The following SLC25A48 variants were observed in gnomAD, a reference collection of about 807,000 sequenced individuals.
SLC25A48 encodes solute carrier family 25 member 48.
Under a neutral mutation model 32.2 loss-of-function variants are expected in SLC25A48, and 29 were observed. The ratio of observed to expected loss-of-function variants is 0.90; its 90% CI spans 0.67 to 1.23. The LOEUF is 1.23. Among genes scored for constraint, SLC25A48 ranks in the 50% most tolerant of loss-of-function variants. SLC25A48 has a pLI of 0.00. For missense variants in SLC25A48, 399 were observed against 422.7 expected (o/e 0.94, Z 0.49); for synonymous variants, 164 against 172.3 (o/e 0.95, Z 0.38).
Position 135,741,049 on chromosome 5 carries a change from C to G in SLC25A48, c.-520-71474C>G, listed in dbSNP as rs1386901610. Among the ~76,000 whole-genome samples, 4 of 152,210 alleles carry G rather than the reference C, an allele frequency of 2.6e-5. 1 individual carries two copies. Among genetic ancestry groups the G allele is most frequent in the Non-Finnish European group, 5.9e-5 (4 of 68,040 alleles). ...ATCACAGATATTTACTGAACATTTA[C>G]TATTTGTCAGGCCCTATGCTAAGTG... is the stretch of plus-strand genomic sequence containing the variant. On this transcript the variant is annotated intron_variant, in intron 3 of 10. Coordinates refer to the SLC25A48 transcript ENST00000646290.
At chr5:135,775,889 T>C (rs1162751596) in intron 3 of SLC25A48, among the ~76,000 whole-genome samples, 3 of 150,874 alleles carry the variant, frequency 2.0e-5, no homozygotes, top group Non-Finnish European at 4.4e-5. Flanking sequence ...AGGGGGGAGA[T>C]GATGGTATTA....
At chr5:135,867,861 C>T (rs1447568539) in intron 4 of SLC25A48, among the ~76,000 whole-genome samples, 3 of 152,174 alleles carry the variant, frequency 2.0e-5, no homozygotes, top group Non-Finnish European at 4.4e-5. Context: ...AGTGCTAGTG[C>T]TGATGGACTT....
intron 3 of SLC25A48, among the ~76,000 whole-genome samples, chr5:135,654,723 C>T (rs1753201519): frequency 1.3e-5 from 2 of 152,194 alleles, no homozygotes; most frequent in Non-Finnish European, 2.9e-5. Context: ...AAGGAGATTA[C>T]CTTTCATGAT....
chr5:135,603,062 C>T (rs907683260), intron 1 of SLC25A48, among the ~76,000 whole-genome samples: 3 of 152,166 alleles, frequency 2.0e-5, no homozygotes, highest in Admixed American at 6.5e-5. Context: ...GTGCGCACGT[C>T]GGTTCCTTTG....
chr5:135,625,239 C>A (rs1752418066), intron 1 of SLC25A48, among the ~76,000 whole-genome samples: 1 of 152,026 alleles, frequency 6.6e-6, no homozygotes. Flanking sequence ...AAGAGTCCTG[C>A]AGGAGGACAA....
intron 5 of SLC25A48, chr5:135,872,078 TC>T: frequency 9.0e-7 from 1 of 1,107,316 alleles, no homozygotes. Context: ...AAGGTAGGAA[TC>T]GGTTTCCCCA....
chr5:135,826,172 T>A (rs1045444412), intron 4 of SLC25A48, among the ~76,000 whole-genome samples: 1 of 151,842 alleles, frequency 6.6e-6, no homozygotes, highest in South Asian at 2.1e-4. Context: ...CTTGGCAGAT[T>A]CTCCCAGCCC....
chr5:135,588,981 T>G (rs1286540530), intron 1 of SLC25A48, among the ~76,000 whole-genome samples: 5 of 152,108 alleles, frequency 3.3e-5, no homozygotes, highest in African/African-American at 4.8e-5. Flanking sequence ...AATGATACCA[T>G]TCTGAAGACA....
Position 135,888,206 on chromosome 5 carries a change from C to A in SLC25A48, c.*182C>A. The A allele has an allele frequency of 1.1e-6, 1 of 885,480 alleles. No individual in the cohort carries two copies. The highest frequency in any genetic ancestry group is 1.8e-5 in the South Asian group (1 of 56,358). 54.9% of individuals were successfully genotyped at this position (885,480 alleles called of 1,614,324 possible). On this transcript the variant is annotated 3_prime_UTR_variant, in exon 8 of 8. Coordinates refer to ENST00000681962, the MANE Select transcript of SLC25A48 (RefSeq NM_001349336.2). Reference sequence around the variant, plus strand: ...CTGATGCCTGGGATGCCTCATGAGTCACTGATTCAAGCCCTCCAAGGTTCT... The same window carrying A: ...CTGATGCCTGGGATGCCTCATGAGTAACTGATTCAAGCCCTCCAAGGTTCT...
chr5:135,620,680 G>A (rs1462254189), intron 1 of SLC25A48, among the ~76,000 whole-genome samples: 4 of 152,110 alleles, frequency 2.6e-5, no homozygotes, highest in Non-Finnish European at 5.9e-5. Flanking sequence ...CAGCCCAGTG[G>A]CAGGACAGGA....
At chr5:135,867,400 C>A (rs1761289026) in intron 4 of SLC25A48, among the ~76,000 whole-genome samples, 1 of 152,162 alleles carries the variant, frequency 6.6e-6, no homozygotes, top group South Asian at 2.1e-4. Context: ...TTTTAAGAGT[C>A]ATCAAAATTG....
chr5:135,823,770 C>A (rs1010104478), intron 4 of SLC25A48, among the ~76,000 whole-genome samples: 2 of 152,144 alleles, frequency 1.3e-5, no homozygotes, highest in African/African-American at 4.8e-5. Flanking sequence ...GGGAAGTGAC[C>A]TTAACCAAGC....
intron 3 of SLC25A48, among the ~76,000 whole-genome samples, chr5:135,668,028 C>A (rs996350983): frequency 6.6e-6 from 1 of 152,128 alleles, no homozygotes; most frequent in African/African-American, 2.4e-5. Flanking sequence ...CCTGGCCTCT[C>A]TGAAAGTTGT....
chr5:135,695,964 A>G (rs2126961942), intron 3 of SLC25A48, among the ~76,000 whole-genome samples: 1 of 152,348 alleles, frequency 6.6e-6, no homozygotes, highest in Non-Finnish European at 1.5e-5. Context: ...ACCCAAGAGG[A>G]CACAAGTCTG....
At chr5:135,768,708 C>CA (rs1756314389) in intron 3 of SLC25A48, among the ~76,000 whole-genome samples, 1 of 151,486 alleles carries the variant, frequency 6.6e-6, no homozygotes, top group South Asian at 2.1e-4. Flanking sequence ...TGTGCACACC[C>CA]TTGTTATATT....
At chr5:135,645,265 C>A (rs1184018850) in intron 3 of SLC25A48, among the ~76,000 whole-genome samples, 1 of 152,180 alleles carries the variant, frequency 6.6e-6, no homozygotes, top group Non-Finnish European at 1.5e-5. Flanking sequence ...CCTTTGATAG[C>A]CAGTCAACTG....
intron 3 of SLC25A48, among the ~76,000 whole-genome samples, chr5:135,638,896 A>G (rs1436057866): frequency 6.6e-6 from 1 of 152,176 alleles, no homozygotes; most frequent in Non-Finnish European, 1.5e-5. Flanking sequence ...ACAAGGTATT[A>G]TGTTCTCAAA....
chr5:135,847,402 G>A (rs1177569347), intron 2 of SLC25A48, among the ~76,000 whole-genome samples: 1 of 152,192 alleles, frequency 6.6e-6, no homozygotes, highest in African/African-American at 2.4e-5. Flanking sequence ...AGGGGGCCAG[G>A]TTCCTGGGGA....
chr5:135,851,812 G>T (rs774511787), intron 3 of SLC25A48, among the ~76,000 whole-genome samples: 4 of 152,126 alleles, frequency 2.6e-5, no homozygotes, highest in South Asian at 2.1e-4. Context: ...GCACATCTGT[G>T]GTGTTCATCA....
Sources: allele counts gnomAD v4.1 joint callset (sites outside exome capture counted in the v4.1 genomes callset), GRCh38; gene constraint gnomAD v4.1.1; transcripts MANE v1.5; gene names NCBI Gene and HGNC (gene_info 2026-07-23, HGNC 2026-07-21).